ADARB2: variants seen among roughly 807,000 people sequenced by gnomAD.
ADARB2 encodes the protein inactive double-stranded RNA-specific editase B2.
In ADARB2, 25 loss-of-function variants were observed where a neutral mutation model predicts 62.2. That is an observed-to-expected ratio of 0.40 (90% CI 0.29 to 0.56). The LOEUF is 0.56. ADARB2 is among the 20% of genes least tolerant of loss of function. The pLI, the probability that ADARB2 is intolerant of heterozygous loss-of-function variation, is 0.43. For missense variants in ADARB2, 1,071 were observed against 1,077.4 expected, an observed-to-expected ratio of 0.99 and a Z score of 0.08; for synonymous variants, 572 against 500.8, an observed-to-expected ratio of 1.14 and a Z score of -1.90.
Position 1,426,335 on chromosome 10 carries a change from A to G in ADARB2, c.101-47175T>C, listed in dbSNP as rs144494874. 4.7e-4 allele frequency among the ~76,000 whole-genome samples: 71 copies of G among 152,296 alleles called. No individual in the cohort carries two copies. The South Asian group carries it at 8.7e-3, about 19-fold the overall frequency. On this transcript the variant is annotated intron_variant, in intron 1 of 9. Transcript: ENST00000381312. The surrounding 1 kb of genome is among the most constrained non-coding windows in gnomAD (Gnocchi z 4.1). The stretch of plus-strand genomic sequence containing the variant: ...CACTGTGTATAAACAGAACAAGGAG[A>G]GAACTGCCTTATTCCTGGGCACTGG...
chr10:1,724,555 C>G (rs1397255118), intron 1 of ADARB2, among the ~76,000 whole-genome samples: 1 of 152,234 alleles, frequency 6.6e-6, no homozygotes, highest in Non-Finnish European at 1.5e-5. Context: ...TGCCTGTCAT[C>G]CTGGGTCCCC....
intron 3 of ADARB2, among the ~76,000 whole-genome samples, chr10:1,326,025 G>A (rs190353544): frequency 2.0e-5 from 3 of 152,314 alleles, no homozygotes; most frequent in African/African-American, 7.2e-5. Context: ...TCGAATCGAA[G>A]AGAGAAGGCA....
intron 3 of ADARB2, among the ~76,000 whole-genome samples, chr10:1,334,258 G>A (rs76905652): frequency 1.4e-4 from 22 of 152,324 alleles, no homozygotes; most frequent in South Asian, 4.1e-4. Flanking sequence ...AATGACATTC[G>A]TATGGAAGAG....
intron 1 of ADARB2, among the ~76,000 whole-genome samples, chr10:1,611,641 G>A (rs1234097787): frequency 6.6e-6 from 1 of 151,960 alleles, no homozygotes; most frequent in Non-Finnish European, 1.5e-5. Context: ...TTCCTAATAC[G>A]GGAACATGAC....
chr10:1,282,132 C>T (rs1347157096), intron 3 of ADARB2, among the ~76,000 whole-genome samples: 2 of 152,194 alleles, frequency 1.3e-5, no homozygotes, highest in African/African-American at 2.4e-5. Flanking sequence ...TCTCTTTCTC[C>T]AGGAAGTGGA....
At chr10:1,186,796 T>C (rs765757818) in intron 8 of ADARB2, among the ~76,000 whole-genome samples, 5 of 152,240 alleles carry the variant, frequency 3.3e-5, no homozygotes, top group Non-Finnish European at 7.3e-5. Context: ...GGTGTCAGCA[T>C]TGGTCTGAGA....
At chr10:1,286,225 C>T (rs913153420) in intron 3 of ADARB2, among the ~76,000 whole-genome samples, 6 of 152,098 alleles carry the variant, frequency 3.9e-5, no homozygotes, top group East Asian at 1.9e-4. Context: ...CGTCTAGACC[C>T]GGGAAGTAGG....
At chr10:1,273,351 T>G (rs1345507487) in intron 3 of ADARB2, among the ~76,000 whole-genome samples, 1 of 152,148 alleles carries the variant, frequency 6.6e-6, no homozygotes, top group Non-Finnish European at 1.5e-5. Context: ...ACCTTGAATT[T>G]TTGGGCTCAA....
At chr10:1,551,643 C>T (rs1473168524) in intron 1 of ADARB2, among the ~76,000 whole-genome samples, 6 of 152,242 alleles carry the variant, frequency 3.9e-5, no homozygotes, top group Non-Finnish European at 5.9e-5. Flanking sequence ...AATGACATCT[C>T]ACCTGGTAAC....
At chr10:1,187,672 G>C (rs1205463203) in intron 8 of ADARB2, among the ~76,000 whole-genome samples, 1 of 152,232 alleles carries the variant, frequency 6.6e-6, no homozygotes, top group Non-Finnish European at 1.5e-5. Context: ...CTGGCTGCCA[G>C]GCATGACGAG....
rs1013281612 is a variant in ADARB2, at chr10:1,619,084, G to A, written c.100+117967C>T. Among the ~76,000 whole-genome samples the A allele has an allele frequency of 3.3e-5, 5 of 152,186 alleles. No homozygotes were observed. In the East Asian group the frequency reaches 9.6e-4, roughly 29 times the overall value. On this transcript the variant is annotated intron_variant, in intron 1 of 9. Transcript: ENST00000381312. ...TGATACACTCAGTTATTCAGGAAGAGATTGAGAAGGCGAGAGACATGTGGA... is the reference window on the plus strand; with the variant it reads ...TGATACACTCAGTTATTCAGGAAGAAATTGAGAAGGCGAGAGACATGTGGA...
At chr10:1,319,840 A>G (rs1309087034) in intron 3 of ADARB2, among the ~76,000 whole-genome samples, 1 of 152,194 alleles carries the variant, frequency 6.6e-6, no homozygotes, top group Non-Finnish European at 1.5e-5. Flanking sequence ...GAGAGTCGCC[A>G]TGTTGTCTTT....
intron 1 of ADARB2, among the ~76,000 whole-genome samples, chr10:1,449,982 C>T (rs890810968): frequency 6.6e-6 from 1 of 152,210 alleles, no homozygotes; most frequent in Non-Finnish European, 1.5e-5. Context: ...CTGACCCTGA[C>T]GGAGGGGCTG....
rs1159620774 is a variant in ADARB2, at chr10:1,261,288, A to C, written c.1192+9667T>G. Among the ~76,000 whole-genome samples, 25 of 150,222 alleles carry C rather than the reference A, an allele frequency of 1.7e-4. 1 individual carries two copies. The highest frequency in any genetic ancestry group is 5.3e-4 in the Admixed American group (8 of 15,118). On this transcript the variant is annotated intron_variant, in intron 4 of 9. Coordinates refer to ENST00000381312, the MANE Select transcript of ADARB2 (RefSeq NM_018702.4). ...ACACCAACAGCAATGGCAACAAAAG[A>C]CAAAATTGACAAATGGGATCTAATT...
chr10:1,231,921 C>G (rs1830807598), intron 6 of ADARB2, among the ~76,000 whole-genome samples: 1 of 152,198 alleles, frequency 6.6e-6, no homozygotes, highest in South Asian at 2.1e-4. Flanking sequence ...TATCCCCACA[C>G]CTTCTTGTCT....
At chr10:1,617,555 G>A (rs368998602) in intron 1 of ADARB2, among the ~76,000 whole-genome samples, 31 of 145,606 alleles carry the variant, frequency 2.1e-4, no homozygotes, top group South Asian at 8.7e-4. Context: ...ACATTCTGTC[G>A]CTAGATGTTT....
At chr10:1,352,183 C>G (rs1832149766) in intron 3 of ADARB2, among the ~76,000 whole-genome samples, 1 of 151,944 alleles carries the variant, frequency 6.6e-6, no homozygotes, top group Non-Finnish European at 1.5e-5. Context: ...CTCATAAAAA[C>G]ACACGTGCTC....
chr10:1,276,187 A>G (rs573620158), intron 3 of ADARB2, among the ~76,000 whole-genome samples: 1 of 152,206 alleles, frequency 6.6e-6, no homozygotes, highest in African/African-American at 2.4e-5. Flanking sequence ...TGACTTTTTA[A>G]TGATCACCAT....
chr10:1,192,089 CT>C (rs1836852691), intron 8 of ADARB2, among the ~76,000 whole-genome samples: 1 of 152,142 alleles, frequency 6.6e-6, no homozygotes, highest in Non-Finnish European at 1.5e-5. Flanking sequence ...CCTTATTTAC[CT>C]TTTTAAAAAG....
Sources: allele counts gnomAD v4.1 joint callset (sites outside exome capture counted in the v4.1 genomes callset), GRCh38; gene constraint gnomAD v4.1.1; non-coding constraint Gnocchi (gnomAD v3.1); transcripts MANE v1.5; gene names NCBI Gene and HGNC (gene_info 2026-07-23, HGNC 2026-07-21).